Variants in SMARCD1 observed in about 807,000 individuals in gnomAD.
SMARCD1 encodes the protein SWI/SNF related BAF chromatin remodeling complex subunit D1, also known as SWI/SNF-related matrix-associated actin-dependent regulator of chromatin subfamily D member 1.
Under a neutral mutation model 70.8 loss-of-function variants are expected in SMARCD1, and 16 were observed. That is an observed-to-expected ratio of 0.23 (90% CI 0.15 to 0.34). SMARCD1 has a LOEUF of 0.34. Among genes scored for constraint, SMARCD1 ranks in the 10% least tolerant of loss-of-function variants. SMARCD1 has a pLI of 1.00. For synonymous variants in SMARCD1, 249 were observed against 246.0 expected, an observed-to-expected ratio of 1.01 and a Z score of -0.11; for missense variants, 409 against 655.5, an observed-to-expected ratio of 0.62 and a Z score of 4.11.
Position 50,099,242 on chromosome 12 carries a change from G to C in SMARCD1, c.*242G>C, listed in dbSNP as rs1950918997. 4.9e-6 allele frequency: 3 copies of C among 607,946 alleles called. No individual in the cohort carries two copies. The highest frequency in any genetic ancestry group is 2.9e-5 in the Admixed American group (1 of 34,414). 37.7% of individuals were successfully genotyped at this position (607,946 alleles called of 1,614,324 possible). ...TTCCCATGTGCCTGTACCCTCCCCT[G>C]GTCTACATAGGACCTCTAGATAGTG... On this transcript the variant is annotated 3_prime_UTR_variant, in exon 13 of 13. Coordinates refer to ENST00000394963, the MANE Select transcript of SMARCD1 (RefSeq NM_003076.5).
rs1555186210 is a variant in SMARCD1 at position 50,086,165 on chromosome 12, C to A, written c.182C>A (p.Pro61Gln). 1 of 1,553,308 alleles carries A rather than the reference C, an allele frequency of 6.4e-7. No homozygotes were observed. The highest frequency in any genetic ancestry group is 1.2e-5 in the South Asian group (1 of 83,228). The change falls in exon 2 of 13, where the codon CCA becomes CAA. Residue 61 changes from proline (P) to glutamine (Q), a missense_variant. By Grantham distance (76) the Pro-to-Gln change is moderately conservative. Coordinates refer to ENST00000394963, the MANE Select transcript of SMARCD1 (RefSeq NM_003076.5). ...TGGGTCCTCTCCCCTCTGTAGAGAC[C>A]AGGTATGTTGCCAGGCAGCCGAATG... ...SPMPGAAYPR[P>Q]GMLPGSRMTP...
chr12:50,090,027 C>T (rs752602481), intron 7 of SMARCD1, 42 bp downstream of exon 7: 12 of 1,509,460 alleles, frequency 7.9e-6, no homozygotes, highest in Admixed American at 3.3e-5. Context: ...TTCACAGCCA[C>T]ATACCGTCAG....
Position 50,085,651 on chromosome 12 carries a change from G to A in SMARCD1, c.177+105G>A, listed in dbSNP as rs1166718136. ...AAGTAGGAGGGACTCCCTTGGGAGG[G>A]GTTCGGGCTCTGGGTGGGGGTTGGG... On this transcript the variant is annotated intron_variant, in intron 1 of 12. Coordinates refer to ENST00000394963, the MANE Select transcript of SMARCD1 (RefSeq NM_003076.5). 41 of 846,726 alleles carry A rather than the reference G, an allele frequency of 4.8e-5. No homozygotes were observed. In the East Asian group the frequency reaches 1.7e-3, roughly 36 times the overall value. The allele number at this position is 846,726 out of a possible 1,614,324, so 52.5% of individuals were successfully genotyped here.
At chr12:50,090,682 C>T in intron 9 of SMARCD1, 92 bp downstream of exon 9, 2 of 859,702 alleles carry the variant, frequency 2.3e-6, no homozygotes, top group Non-Finnish European at 3.9e-6. Context: ...ATTTTGCAAA[C>T]AGGTTGTTAA....
chr12:50,098,443 T>G (rs1950911480), intron 11 of SMARCD1: 1 of 464,150 alleles, frequency 2.2e-6, no homozygotes, highest in African/African-American at 2.0e-5. Flanking sequence ...CACGTTGTCT[T>G]CCTTCTGTAT....
intron 2 of SMARCD1, 117 bp from the exon 3 acceptor site, chr12:50,086,504 T>TGGTGG (rs1333804404): frequency 1.8e-4 from 225 of 1,231,142 alleles, no homozygotes; most frequent in Non-Finnish European, 2.3e-4. Context: ...GTGGTGGTAG[T>TGGTGG]TCTTTGAGAG....
chr12:50,087,824 C>T (rs953035271), intron 5 of SMARCD1, among the ~76,000 whole-genome samples: 1 of 151,504 alleles, frequency 6.6e-6, no homozygotes, highest in African/African-American at 2.4e-5. Flanking sequence ...GCTGTGTTTC[C>T]TCTCTGAGTC....
chr12:50,096,688 A>G, intron 10 of SMARCD1, 162 bp from the exon 11 acceptor site: 1 of 590,974 alleles, frequency 1.7e-6, no homozygotes, highest in Non-Finnish European at 3.0e-6. Context: ...TGCTGAAAGA[A>G]TGCCAAGGGT....
At chr12:50,085,602 T>G in intron 1 of SMARCD1, 56 bp downstream of exon 1, 5 of 844,614 alleles carry the variant, frequency 5.9e-6, no homozygotes, top group Non-Finnish European at 6.7e-6. Context: ...AGCGGGGACA[T>G]GGGAGTGACA....
chr12:50,094,257 A>G (rs572664825), intron 9 of SMARCD1, among the ~76,000 whole-genome samples, 180 bp from the exon 10 acceptor site: 10 of 152,308 alleles, frequency 6.6e-5, no homozygotes, highest in African/African-American at 2.4e-4. Flanking sequence ...GATTTTTGCC[A>G]GATCTGTACA....
chr12:50,097,961 A>C (rs760992602), intron 11 of SMARCD1, among the ~76,000 whole-genome samples: 1 of 151,798 alleles, frequency 6.6e-6, no homozygotes, highest in Non-Finnish European at 1.5e-5. Context: ...GATAAGGGAG[A>C]TCAGTGAGAC....
At position 50,099,380 on chromosome 12, in the gene SMARCD1, G is replaced by A; in HGVS notation, c.*380G>A. On this transcript the variant is annotated 3_prime_UTR_variant, in exon 13 of 13. Transcript: ENST00000394963. The stretch of plus-strand genomic sequence containing the variant: ...CCTGCCCTTCAGAGACCCAGGAGTT[G>A]GGAGCTTTCGCTCCTTCTCCAAGAC... 2.2e-6 allele frequency: 1 copy of A among 457,754 alleles called. No individual in the cohort carries two copies. Among genetic ancestry groups the A allele is most frequent in the Non-Finnish European group, 3.8e-6 (1 of 260,514 alleles). The allele number at this position is 457,754 out of a possible 1,614,324, so 28.4% of individuals were successfully genotyped here. A position where few individuals can be genotyped will look rare whatever the true frequency, so the allele number is the denominator to read the frequency against.
rs1718475607 is a variant in SMARCD1, at chr12:50,099,321, G to T, written c.*321G>T. ...GTGCTTGGAATGGATTGGGCCTCAG[G>T]CCAGGTGGTCTTCAAGGGGACCAGC... On this transcript the variant is annotated 3_prime_UTR_variant, in exon 13 of 13. Coordinates refer to ENST00000394963, the MANE Select transcript of SMARCD1 (RefSeq NM_003076.5). The T allele has an allele frequency of 2.0e-6, 1 of 497,468 alleles. No individual in the cohort carries two copies. The highest frequency in any genetic ancestry group is 3.5e-6 in the Non-Finnish European group (1 of 282,624). The allele number at this position is 497,468 out of a possible 1,614,324, so 30.8% of individuals were successfully genotyped here. A position where few individuals can be genotyped will look rare whatever the true frequency, so the allele number is the denominator to read the frequency against.
Position 50,089,916 on chromosome 12 carries a change from T to C in SMARCD1, c.804T>C (p.Asp268=), listed in dbSNP as rs1592288858. Residue 268 remains aspartate (D), a synonymous_variant, in exon 7 of 13, where the codon GAT becomes GAC. Coordinates refer to ENST00000394963, the MANE Select transcript of SMARCD1 (RefSeq NM_003076.5). ...WHRTATTQET[D]GFQVKRPGDV... ...GGACCGCCACTACCCAGGAGACCGATGGCTTTCAGGTGAAGCGGCCGGGAG... is the reference window on the plus strand; with the variant it reads ...GGACCGCCACTACCCAGGAGACCGACGGCTTTCAGGTGAAGCGGCCGGGAG... 1 of 1,613,828 alleles carries C rather than the reference T, an allele frequency of 6.2e-7. No individual in the cohort carries two copies. Among genetic ancestry groups the C allele is most frequent in the Non-Finnish European group, 8.5e-7 (1 of 1,179,866 alleles).
rs529502757 is a variant in SMARCD1 at position 50,093,897 on chromosome 12, A to G, written c.1134-540A>G. On this transcript the variant is annotated intron_variant, in intron 9 of 12. Transcript: ENST00000394963. ...CGGGTTCAAGAGATTCTCCTGCCTC[A>G]GCTTCCCCAGTAGCTGGGATTACAG... Among the ~76,000 whole-genome samples the G allele has an allele frequency of 5.9e-5, 9 of 152,116 alleles. No homozygotes were observed. The South Asian group carries it at 1.9e-3, about 32-fold the overall frequency.
chr12:50,094,539 C>G lies in SMARCD1; in HGVS notation c.1236C>G (p.Ala412=). 3 of 1,614,158 alleles carry G rather than the reference C, an allele frequency of 1.9e-6. No homozygotes were observed. Among genetic ancestry groups the G allele is most frequent in the Non-Finnish European group, 2.5e-6 (3 of 1,180,008 alleles). Residue 412 remains alanine, a synonymous_variant, in exon 10 of 13, where the codon GCC becomes GCG. Transcript: ENST00000394963. ...TGAATTCTTTTCTGCTGTCCACTGCCAGCCAACAGGAGATTGCTACTCTAG... is the reference window on the plus strand; with the variant it reads ...TGAATTCTTTTCTGCTGTCCACTGCGAGCCAACAGGAGATTGCTACTCTAG... ...TQMNSFLLST[A]SQQEIATLDN...
At chr12:50,091,928 C>T (rs968549074) in intron 9 of SMARCD1, among the ~76,000 whole-genome samples, 1 of 152,154 alleles carries the variant, frequency 6.6e-6, no homozygotes, top group African/African-American at 2.4e-5. Context: ...CACATCTGGG[C>T]ACTTCCTCCC....
intron 6 of SMARCD1, 24 bp downstream of exon 6, chr12:50,088,661 T>C (rs748111109): frequency 3.1e-6 from 4 of 1,278,558 alleles, no homozygotes; most frequent in East Asian, 4.6e-5. Context: ...CCTTCTAGGC[T>C]TTGACTCTGA....
Position 50,090,322 on chromosome 12 carries a change from C to T in SMARCD1, c.955C>T (p.Leu319=), listed in dbSNP as rs761895769. 5 of 1,614,198 alleles carry T rather than the reference C, an allele frequency of 3.1e-6. No individual in the cohort carries two copies. Among genetic ancestry groups the T allele is most frequent in the Non-Finnish European group, 3.4e-6 (4 of 1,180,028 alleles). The change falls in exon 8 of 13, where the codon CTG becomes TTG. Residue 319 remains leucine, a synonymous_variant. Transcript: ENST00000394963. ...GACTCGTCCAGTGATCATCCAAGCA[C>T]TGTGGCAATATATTAAGACACATAA... ...TQTRPVIIQA[L]WQYIKTHKLQ... is the part of the protein sequence containing the mutation.
Sources: gnomAD v4.1 joint callset for allele counts (sites outside exome capture counted in the v4.1 genomes callset) on GRCh38, gnomAD v4.1.1 for gene constraint, MANE v1.5 for transcripts, NCBI Gene and HGNC (gene_info 2026-07-23, HGNC 2026-07-21) for gene names.